Variants in UBE2R2 observed in about 807,000 individuals in gnomAD.
UBE2R2 encodes ubiquitin conjugating enzyme E2 R2.
A neutral mutation model predicts 27.8 loss-of-function variants in UBE2R2; 1 was observed. That is an observed-to-expected ratio of 0.04 (90% CI 0.01 to 0.17). UBE2R2 has a LOEUF of 0.17. Among genes scored for constraint, UBE2R2 ranks in the 10% least tolerant of loss-of-function variants. UBE2R2 has a pLI of 1.00. For missense variants in UBE2R2, 100 were observed against 291.0 expected, an observed-to-expected ratio of 0.34 and a Z score of 4.78; for synonymous variants, 106 against 113.3, an observed-to-expected ratio of 0.94 and a Z score of 0.41.
intron 2 of UBE2R2, among the ~76,000 whole-genome samples, chr9:33,891,056 T>TTTTTTTTTTTTTTGG (rs1554676138): frequency 1.5e-5 from 2 of 130,268 alleles, no homozygotes; most frequent in East Asian, 2.6e-4. Flanking sequence ...TGTTTTTTTG[T>TTTTTTTTTTTTTTGG]TTTTTTTTTT....
rs577213809 is a variant in UBE2R2, at chr9:33,920,201, A to G, written c.*2964A>G. On this transcript the variant is annotated 3_prime_UTR_variant, in exon 5 of 5. Transcript: ENST00000263228. ...AAGGATTCAGATGCAATTTTCAACT[A>G]TTCTGAAACCAGCAGGACACACCTG... The G allele has an allele frequency of 2.6e-5, 4 of 152,740 alleles. No homozygotes were observed. The highest frequency in any genetic ancestry group is 1.9e-4 in the East Asian group (1 of 5,192). The allele number at this position is 152,740 out of a possible 1,614,324, so 9.5% of individuals were successfully genotyped here.
At chr9:33,900,299 T>C (rs370840272) in intron 3 of UBE2R2, 28 bp downstream of exon 3, 5 of 1,517,080 alleles carry the variant, frequency 3.3e-6, no homozygotes, top group Non-Finnish European at 3.7e-6. Context: ...TTTGGAGTTA[T>C]TCTTAATCTC....
At chr9:33,823,325 A>G (rs193103408) in intron 1 of UBE2R2, among the ~76,000 whole-genome samples, 6 of 152,204 alleles carry the variant, frequency 3.9e-5, no homozygotes, top group African/African-American at 1.4e-4. Context: ...GGTCTGAACC[A>G]TTGCACCCAG....
rs563385892 is a variant in UBE2R2 at position 33,900,805 on chromosome 9, C to T, written c.362+534C>T. 1.3e-3 allele frequency among the ~76,000 whole-genome samples: 200 copies of T among 152,260 alleles called. 1 individual carries two copies. Among genetic ancestry groups the T allele is most frequent in the African/African-American group, 4.7e-3 (196 of 41,544 alleles). ...CTGGTCTCAAACTCCTGGCCTCAAG[C>T]AGTCCTCCCCACTTGGCCTCCCAAA... On this transcript the variant is annotated intron_variant, in intron 3 of 4. Coordinates refer to ENST00000263228, the MANE Select transcript of UBE2R2 (RefSeq NM_017811.4).
chr9:33,839,633 G>A (rs575915537), intron 1 of UBE2R2, among the ~76,000 whole-genome samples: 1 of 152,200 alleles, frequency 6.6e-6, no homozygotes, highest in Non-Finnish European at 1.5e-5. Context: ...ATGAAGAATG[G>A]GCCCTTACTA....
chr9:33,819,989 A>G (rs894283504), intron 1 of UBE2R2, among the ~76,000 whole-genome samples: 1 of 152,246 alleles, frequency 6.6e-6, no homozygotes, highest in Admixed American at 6.5e-5. Flanking sequence ...GGCTAATGTT[A>G]GTGGAATAAA....
intron 1 of UBE2R2, 46 bp from the exon 2 acceptor site, chr9:33,886,835 T>A: frequency 3.4e-6 from 5 of 1,471,518 alleles, no homozygotes; most frequent in Non-Finnish European, 3.7e-6. Context: ...GGCAGATGAA[T>A]AAGTTATAGT....
At chr9:33,877,823 G>GTCTGTCTGTCTGTCTCTCTT in intron 1 of UBE2R2, among the ~76,000 whole-genome samples, 1,440 of 131,094 alleles carry the variant, frequency 0.011, 31 homozygotes, top group Admixed American at 0.028. Context: ...CTGTCTGTCT[G>GTCTGTCTGTCTGTCTCTCTT]TCTCTCTCTC....
chr9:33,899,535 C>T (rs777094139), intron 2 of UBE2R2, among the ~76,000 whole-genome samples: 4 of 152,120 alleles, frequency 2.6e-5, no homozygotes, highest in Non-Finnish European at 4.4e-5. Context: ...CTACCACGCC[C>T]GGCTAATTTT....
chr9:33,827,816 C>T (rs917401373), intron 1 of UBE2R2, among the ~76,000 whole-genome samples: 3 of 149,370 alleles, frequency 2.0e-5, no homozygotes, highest in Admixed American at 6.7e-5. Context: ...ACTAAAAATA[C>T]AAAAATTAGC....
At position 33,844,769 on chromosome 9, in the gene UBE2R2, C is replaced by CT. The variant is rs74180509; in HGVS notation, c.177+26844dup. Among the ~76,000 whole-genome samples, 1,234 of 150,808 alleles carry CT rather than the reference C, an allele frequency of 8.2e-3. 6 individuals carry two copies. Among genetic ancestry groups the CT allele is most frequent in the Non-Finnish European group, 0.012 (817 of 67,640 alleles). ...AGGAAAACCACTCAAAATCATTTGC[C>CT]TTTTTTTTTCTTTTTCTGAGACAGT... On this transcript the variant is annotated intron_variant, in intron 1 of 4. Transcript: ENST00000263228.
intron 1 of UBE2R2, among the ~76,000 whole-genome samples, chr9:33,862,244 T>C (rs1052899864): frequency 1.3e-5 from 2 of 152,196 alleles, no homozygotes; most frequent in Non-Finnish European, 2.9e-5. Flanking sequence ...GATGTCTTCC[T>C]TATTCTCTTT....
At chr9:33,818,531 A>T (rs1196738687) in intron 1 of UBE2R2, 12 of 18,880 alleles carry the variant, frequency 6.4e-4, no homozygotes, top group African/African-American at 1.3e-3. Context: ...AGGGGTGGTA[A>T]AAAAAAAAAA....
At chr9:33,840,494 T>C (rs554608870) in intron 1 of UBE2R2, among the ~76,000 whole-genome samples, 5 of 152,226 alleles carry the variant, frequency 3.3e-5, no homozygotes, top group Non-Finnish European at 5.9e-5. Flanking sequence ...TGTACACTCA[T>C]GTTGCATCTT....
At chr9:33,893,007 C>T (rs952206184) in intron 2 of UBE2R2, among the ~76,000 whole-genome samples, 1 of 152,092 alleles carries the variant, frequency 6.6e-6, no homozygotes, top group African/African-American at 2.4e-5. Flanking sequence ...CCCAAGAGTT[C>T]GAAGTTTCAG....
intron 3 of UBE2R2, among the ~76,000 whole-genome samples, chr9:33,907,740 A>G (rs1306370285): frequency 6.6e-6 from 1 of 152,170 alleles, no homozygotes; most frequent in East Asian, 1.9e-4. Context: ...CTGAGAAAAT[A>G]CAGTAAATGA....
intron 3 of UBE2R2, among the ~76,000 whole-genome samples, chr9:33,904,540 CAT>C (rs945156146): frequency 1.3e-5 from 2 of 152,184 alleles, no homozygotes; most frequent in African/African-American, 4.8e-5. Flanking sequence ...ATATTTATAA[CAT>C]AAAGTGGCAA....
intron 2 of UBE2R2, among the ~76,000 whole-genome samples, chr9:33,890,134 C>CT (rs143321626): frequency 0.079 from 11,958 of 152,014 alleles, 678 homozygotes; most frequent in Non-Finnish European, 0.12. Flanking sequence ...CCCCTTTCCA[C>CT]TTTTTTTTCA....
chr9:33,906,209 G>A (rs1822353561), intron 3 of UBE2R2, among the ~76,000 whole-genome samples: 1 of 152,018 alleles, frequency 6.6e-6, no homozygotes, highest in African/African-American at 2.4e-5. Flanking sequence ...TGCAAACTCC[G>A]TCTCCTGGGT....
Sources: gnomAD v4.1 joint callset for allele counts (sites outside exome capture counted in the v4.1 genomes callset) on GRCh38, gnomAD v4.1.1 for gene constraint, MANE v1.5 for transcripts, NCBI Gene and HGNC (gene_info 2026-07-23, HGNC 2026-07-21) for gene names.